The following RORA variants were observed in gnomAD, a reference collection of about 807,000 sequenced individuals.
The protein encoded by RORA is nuclear receptor ROR-alpha.
RORA carries 7 observed loss-of-function variants against 69.5 expected under a neutral mutation model. The observed-to-expected ratio is 0.10, with a 90% CI of 0.06 to 0.19. The LOEUF (loss-of-function observed/expected upper bound fraction) is 0.19. RORA is among the 10% of genes least tolerant of loss of function. The pLI, the probability that RORA is intolerant of heterozygous loss-of-function variation, is 1.00. For synonymous variants in RORA, 261 were observed against 240.8 expected (o/e 1.08, Z -0.78); for missense variants, 457 against 663.0 (o/e 0.69, Z 3.41).
At chr15:61,059,833 CT>C (rs1170312176) in intron 1 of RORA, among the ~76,000 whole-genome samples, 2 of 151,170 alleles carry the variant, frequency 1.3e-5, no homozygotes, top group Non-Finnish European at 2.9e-5. Flanking sequence ...GATTTGGTTA[CT>C]TTCAATAATA....
Position 61,061,605 on chromosome 15 carries a change from T to C in RORA, c.166+167448A>G, listed in dbSNP as rs1417531371. On this transcript the variant is annotated intron_variant, in intron 1 of 10. Coordinates refer to ENST00000335670, the MANE Select transcript of RORA (RefSeq NM_134261.3). This position sits in a 1 kb window ranked among gnomAD's most constrained non-coding sequence, Gnocchi z 4.4. ...TCTAAGCCCCTTTATGGTTGATTCA[T>C]TCCTAGGTATATTAAAAATAATTCA... is the stretch of plus-strand genomic sequence containing the variant. 6.6e-6 allele frequency among the ~76,000 whole-genome samples: 1 copy of C among 152,148 alleles called. No individual in the cohort carries two copies. Among genetic ancestry groups the C allele is most frequent in the Non-Finnish European group, 1.5e-5 (1 of 68,028 alleles).
intron 1 of RORA, among the ~76,000 whole-genome samples, chr15:61,016,628 A>G (rs1428506791): frequency 6.6e-6 from 1 of 152,140 alleles, no homozygotes; most frequent in African/African-American, 2.4e-5. Context: ...ACGAGTCTAC[A>G]TCGTCATAAG....
intron 1 of RORA, among the ~76,000 whole-genome samples, chr15:61,033,982 A>G (rs1896321480): frequency 6.6e-6 from 1 of 152,196 alleles, no homozygotes; most frequent in Admixed American, 6.5e-5. Context: ...TACGTTAAAT[A>G]AGCTGCATTA....
chr15:60,842,253 C>A (rs1053109499), intron 1 of RORA, among the ~76,000 whole-genome samples: 1 of 152,088 alleles, frequency 6.6e-6, no homozygotes, highest in Non-Finnish European at 1.5e-5. Context: ...GTGAAGATTT[C>A]CCCAAACAGC....
chr15:60,806,238 T>C (rs1227648728), intron 1 of RORA, among the ~76,000 whole-genome samples: 1 of 151,994 alleles, frequency 6.6e-6, no homozygotes, highest in African/African-American at 2.4e-5. Context: ...AACAAAAACT[T>C]TGGGGCAAAG....
chr15:61,074,848 A>G (rs1055030999), intron 1 of RORA, among the ~76,000 whole-genome samples: 3 of 152,130 alleles, frequency 2.0e-5, no homozygotes, highest in Non-Finnish European at 1.5e-5. Context: ...GCAATTTGGG[A>G]GGCTGAGGCA....
At position 60,840,047 on chromosome 15, in the gene RORA, G is replaced by C. The variant is rs76580796; in HGVS notation, c.167-161361C>G. Among the ~76,000 whole-genome samples, 432 of 152,310 alleles carry C rather than the reference G, an allele frequency of 2.8e-3. 1 individual carries two copies. The highest frequency in any genetic ancestry group is 9.9e-3 in the African/African-American group (412 of 41,574). ...AGGGAGAGTCTGGGAACAGCCAAGGGATAAAAGCTGTGATGATGGGCGGGG... is the reference window on the plus strand; with the variant it reads ...AGGGAGAGTCTGGGAACAGCCAAGGCATAAAAGCTGTGATGATGGGCGGGG... On this transcript the variant is annotated intron_variant, in intron 1 of 10. Coordinates refer to ENST00000335670, the MANE Select transcript of RORA (RefSeq NM_134261.3).
chr15:60,621,851 C>A (rs999980299), intron 2 of RORA, among the ~76,000 whole-genome samples: 38 of 151,988 alleles, frequency 2.5e-4, no homozygotes, highest in African/African-American at 8.7e-4. Context: ...AGTTCGAGAC[C>A]AGCCTGGCCA....
chr15:60,831,997 C>T (rs778491848), intron 1 of RORA, among the ~76,000 whole-genome samples: 13 of 152,178 alleles, frequency 8.5e-5, no homozygotes, highest in Non-Finnish European at 1.5e-4. Flanking sequence ...GCTGCATTTA[C>T]GGATACAGCA....
chr15:61,078,791 C>T (rs985919394), intron 1 of RORA, among the ~76,000 whole-genome samples: 3 of 152,188 alleles, frequency 2.0e-5, no homozygotes, highest in Non-Finnish European at 4.4e-5. Flanking sequence ...ATCTATCCAT[C>T]CACCCACCCA....
intron 1 of RORA, among the ~76,000 whole-genome samples, chr15:60,743,997 TG>T (rs1349678199): frequency 2.0e-5 from 3 of 151,322 alleles, no homozygotes; most frequent in Admixed American, 2.0e-4. Flanking sequence ...GGAGGGGAAA[TG>T]CTAGATCTGT....
chr15:61,029,696 GA>G (rs1397330138), intron 1 of RORA, among the ~76,000 whole-genome samples: 1 of 152,158 alleles, frequency 6.6e-6, no homozygotes, highest in African/African-American at 2.4e-5. Context: ...TAAAGAAGGG[GA>G]AAGAATTCTT....
In RORA at chr15:60,762,707, T is replaced by C. The variant is rs1443943767; in HGVS notation, c.167-84021A>G. Among the ~76,000 whole-genome samples, 4 of 152,206 alleles carry C rather than the reference T, an allele frequency of 2.6e-5. No individual in the cohort carries two copies. The East Asian group carries it at 7.7e-4, about 29-fold the overall frequency. ...AGCTACTGTGGCTTTGTAGCTACAT[T>C]TTCTTACAAGTTCAATATCATCTAA... On this transcript the variant is annotated intron_variant, in intron 1 of 10. Transcript: ENST00000335670.
rs530776205 is a variant in RORA, at chr15:61,046,509, G to C, written c.166+182544C>G. ...ATCCTGCTGCCACCATGCTGGAGCA[G>C]CTTAGAGATCCACCTGAGTGAGCCA... On this transcript the variant is annotated intron_variant, in intron 1 of 10. Transcript: ENST00000335670. Among the ~76,000 whole-genome samples the C allele has an allele frequency of 2.0e-5, 3 of 152,204 alleles. No individual in the cohort carries two copies. In the East Asian group the frequency reaches 5.8e-4, roughly 29 times the overall value.
In RORA at chr15:61,115,090, C is replaced by T. The variant is rs74391499; in HGVS notation, c.166+113963G>A. ...TGGCAGGAGTCTGTGGCTTCCTCTACCCCCAGTGAAGCCTAGAGGACTGCA... is the reference window on the plus strand; with the variant it reads ...TGGCAGGAGTCTGTGGCTTCCTCTATCCCCAGTGAAGCCTAGAGGACTGCA... On this transcript the variant is annotated intron_variant, in intron 1 of 10. Transcript: ENST00000335670. Among the ~76,000 whole-genome samples the T allele has an allele frequency of 9.0e-3, 1,375 of 152,240 alleles. 37 individuals are homozygous for T. The highest frequency in any genetic ancestry group is 0.089 in the East Asian group (459 of 5,184).
chr15:60,710,283 G>A (rs1368658268), intron 1 of RORA, among the ~76,000 whole-genome samples: 1 of 152,144 alleles, frequency 6.6e-6, no homozygotes, highest in Non-Finnish European at 1.5e-5. Flanking sequence ...GAGGTCAGGA[G>A]TTCGAGACCA....
intron 1 of RORA, among the ~76,000 whole-genome samples, chr15:61,200,740 G>C (rs1174478350): frequency 6.6e-6 from 1 of 152,128 alleles, no homozygotes; most frequent in East Asian, 1.9e-4. Context: ...CCTTTTGGCA[G>C]TTGTTGCACT....
Position 61,150,244 on chromosome 15 carries a change from C to T in RORA, c.166+78809G>A, listed in dbSNP as rs146531747. Among the ~76,000 whole-genome samples, 510 of 152,258 alleles carry T rather than the reference C, an allele frequency of 3.3e-3. 5 individuals are homozygous for T. Among genetic ancestry groups the T allele is most frequent in the African/African-American group, 0.012 (496 of 41,548 alleles). ...GTAGAAGAAATACACAATCAGAAAACCATACGCGAAGCATTTATTGGCCTC... is the reference window on the plus strand; with the variant it reads ...GTAGAAGAAATACACAATCAGAAAATCATACGCGAAGCATTTATTGGCCTC... On this transcript the variant is annotated intron_variant, in intron 1 of 10. Transcript: ENST00000335670.
At chr15:61,225,254 T>C (rs917920890) in intron 1 of RORA, among the ~76,000 whole-genome samples, 18 of 152,190 alleles carry the variant, frequency 1.2e-4, no homozygotes, top group African/African-American at 3.9e-4. Flanking sequence ...CAAAGGCTTT[T>C]CTCCCAGTCA....
Sources: gnomAD v4.1 joint callset for allele counts (sites outside exome capture counted in the v4.1 genomes callset) on GRCh38, gnomAD v4.1.1 for gene constraint, Gnocchi (gnomAD v3.1) non-coding constraint, MANE v1.5 for transcripts, NCBI Gene and HGNC (gene_info 2026-07-23, HGNC 2026-07-21) for gene names.